Variants in GABRG2 observed in about 807,000 individuals in gnomAD.
The protein encoded by GABRG2 is gamma-aminobutyric acid type A receptor subunit gamma2.
GABRG2 carries 16 observed loss-of-function variants against 56.4 expected under a neutral mutation model. The observed-to-expected ratio is 0.28, with a 90% CI of 0.19 to 0.43. GABRG2 has a LOEUF of 0.43. Among genes scored for constraint, GABRG2 ranks in the 20% least tolerant of loss-of-function variants. The pLI, the probability that GABRG2 is intolerant of heterozygous loss-of-function variation, is 1.00. For synonymous variants in GABRG2, 208 were observed against 205.5 expected, an observed-to-expected ratio of 1.01 and a Z score of -0.10; for missense variants, 327 against 582.7, an observed-to-expected ratio of 0.56 and a Z score of 4.52.
At chr5:162,084,901 G>A (rs544002817) in intron 1 of GABRG2, among the ~76,000 whole-genome samples, 5 of 151,744 alleles carry the variant, frequency 3.3e-5, no homozygotes, top group African/African-American at 1.2e-4. Context: ...CACTGACTTT[G>A]TCACCATGTT....
In GABRG2 at chr5:162,075,583, C is replaced by T. The variant is rs78341636; in HGVS notation, c.107+7477C>T. Reference sequence around the variant, plus strand: ...CAGAAGAGATGCCATTGATACAACTCACCTTTCATAGCATGCCTAGCCTCT... The same window carrying T: ...CAGAAGAGATGCCATTGATACAACTTACCTTTCATAGCATGCCTAGCCTCT... On this transcript the variant is annotated intron_variant, in intron 1 of 9. Coordinates refer to ENST00000639213, the MANE Select transcript of GABRG2 (RefSeq NM_198904.4). Among the ~76,000 whole-genome samples, 623 of 152,190 alleles carry T rather than the reference C, an allele frequency of 4.1e-3. 6 individuals are homozygous for T. Among genetic ancestry groups the T allele is most frequent in the African/African-American group, 0.014 (591 of 41,538 alleles).
intron 7 of GABRG2, among the ~76,000 whole-genome samples, chr5:162,146,172 T>G (rs2113618208): frequency 6.6e-6 from 1 of 152,096 alleles, no homozygotes; most frequent in South Asian, 2.1e-4. Context: ...ACCTCCCCAG[T>G]CAGGAATCTA....
At chr5:162,137,818 C>T (rs1376217805) in intron 6 of GABRG2, among the ~76,000 whole-genome samples, 1 of 152,090 alleles carries the variant, frequency 6.6e-6, no homozygotes, top group East Asian at 1.9e-4. Context: ...TCCACCCACC[C>T]ACTGCAACCT....
rs150071596 is a variant in GABRG2 at position 162,093,451 on chromosome 5, G to A, written c.108-377G>A. 8.7e-3 allele frequency among the ~76,000 whole-genome samples: 1,321 copies of A among 152,206 alleles called. 19 individuals carry two copies. Among genetic ancestry groups the A allele is most frequent in the African/African-American group, 0.03 (1,267 of 41,554 alleles). Reference sequence around the variant, plus strand: ...AGTGAACTCCTCAAAGAAGGAAAGAGCAGACATTATACCTGAATTCTTAGA... The same window carrying A: ...AGTGAACTCCTCAAAGAAGGAAAGAACAGACATTATACCTGAATTCTTAGA... On this transcript the variant is annotated intron_variant, in intron 1 of 9. Transcript: ENST00000639213.
At chr5:162,103,716 T>G in intron 5 of GABRG2, 173 bp from the exon 6 acceptor site, 2 of 681,124 alleles carry the variant, frequency 2.9e-6, no homozygotes, top group Admixed American at 2.5e-5. Flanking sequence ...CCCATTAGGA[T>G]GCAAAGTCAT....
rs1554098576 is a variant in GABRG2, at chr5:162,109,420, A to ATTTATTTATT, written c.769+5395_769+5396insTTATTTATTT. On this transcript the variant is annotated intron_variant, in intron 6 of 9. Transcript: ENST00000639213. ...TATATATATATATATATATATATAT[A>ATTTATTTATT]TATTTATTTATATAAAATGAAAACA... is the stretch of plus-strand genomic sequence containing the variant. 3.7e-3 allele frequency among the ~76,000 whole-genome samples: 424 copies of ATTTATTTATT among 116,098 alleles called. 3 individuals carry two copies. Among genetic ancestry groups the ATTTATTTATT allele is most frequent in the African/African-American group, 0.011 (329 of 30,858 alleles). The allele number at this position is 116,098 out of a possible 152,430, so 76.2% of individuals were successfully genotyped here.
chr5:162,111,266 A>G (rs760144036), intron 6 of GABRG2, among the ~76,000 whole-genome samples: 3 of 152,166 alleles, frequency 2.0e-5, no homozygotes. Context: ...ATATGTTATT[A>G]TACACATTAA....
intron 6 of GABRG2, among the ~76,000 whole-genome samples, chr5:162,117,080 C>A (rs1249211139): frequency 6.6e-6 from 1 of 152,166 alleles, no homozygotes; most frequent in Non-Finnish European, 1.5e-5. Flanking sequence ...GACTGTCTCA[C>A]TCTGTCAGTG....
At chr5:162,091,232 T>G (rs1370088491) in intron 1 of GABRG2, among the ~76,000 whole-genome samples, 3 of 152,000 alleles carry the variant, frequency 2.0e-5, no homozygotes, top group Non-Finnish European at 2.9e-5. Flanking sequence ...TTTTGTTACA[T>G]GTTTGAAGCT....
chr5:162,151,907 A>G, intron 9 of GABRG2, 154 bp downstream of exon 9: 1 of 654,766 alleles, frequency 1.5e-6, no homozygotes. Flanking sequence ...TCTAGAGTTG[A>G]TTCAGCAACT....
chr5:162,092,548 A>T (rs1004527700), intron 1 of GABRG2, among the ~76,000 whole-genome samples: 1 of 152,204 alleles, frequency 6.6e-6, no homozygotes, highest in Admixed American at 6.6e-5. Context: ...TATGATGTAC[A>T]TAAAACATAT....
chr5:162,134,160 A>G (rs924974519), intron 6 of GABRG2, among the ~76,000 whole-genome samples: 1 of 151,404 alleles, frequency 6.6e-6, no homozygotes, highest in African/African-American at 2.4e-5. Flanking sequence ...GCTATTTTCT[A>G]CAGAAGGAGT....
chr5:162,140,577 G>A (rs1764487524), intron 6 of GABRG2, among the ~76,000 whole-genome samples: 1 of 152,158 alleles, frequency 6.6e-6, no homozygotes, highest in South Asian at 2.1e-4. Context: ...AGTAAGTAGG[G>A]AAACGTAGGC....
At chr5:162,108,337 AG>A (rs1439893053) in intron 6 of GABRG2, among the ~76,000 whole-genome samples, 6 of 152,214 alleles carry the variant, frequency 3.9e-5, no homozygotes, top group Non-Finnish European at 8.8e-5. Flanking sequence ...ATCTGGTCTC[AG>A]GAACTTTCCA....
intron 1 of GABRG2, among the ~76,000 whole-genome samples, chr5:162,084,395 C>T (rs942741981): frequency 1.3e-5 from 2 of 151,824 alleles, no homozygotes; most frequent in Non-Finnish European, 2.9e-5. Flanking sequence ...TAGCAAGTGA[C>T]GTCTGACTTA....
At chr5:162,086,400 C>T (rs1358314852) in intron 1 of GABRG2, among the ~76,000 whole-genome samples, 1 of 152,046 alleles carries the variant, frequency 6.6e-6, no homozygotes, top group Non-Finnish European at 1.5e-5. Flanking sequence ...ATGCTTAATG[C>T]TCTGCTTTTA....
chr5:162,089,679 T>A (rs1486858554), intron 1 of GABRG2, among the ~76,000 whole-genome samples: 1 of 152,120 alleles, frequency 6.6e-6, no homozygotes, highest in East Asian at 1.9e-4. Flanking sequence ...AAAATCCAAC[T>A]ACTTACCTGT....
At chr5:162,121,880 A>T (rs1310268325) in intron 6 of GABRG2, among the ~76,000 whole-genome samples, 2 of 152,048 alleles carry the variant, frequency 1.3e-5, no homozygotes, top group Non-Finnish European at 2.9e-5. Context: ...CGGGATTATC[A>T]TTTAATGTAA....
At chr5:162,099,976 A>C (rs1376446154) in intron 4 of GABRG2, 3 of 152,142 alleles carry the variant, frequency 2.0e-5, no homozygotes, top group African/African-American at 7.2e-5. Flanking sequence ...ATAAAATATC[A>C]AGTTTAATTG....
Sources: allele counts gnomAD v4.1 joint callset (sites outside exome capture counted in the v4.1 genomes callset), GRCh38; gene constraint gnomAD v4.1.1; transcripts MANE v1.5; gene names NCBI Gene and HGNC (gene_info 2026-07-23, HGNC 2026-07-21).